The following NINJ2 variants were observed in gnomAD, a reference collection of about 807,000 sequenced individuals.
NINJ2 encodes the protein ninjurin 2.
NINJ2 carries 12 observed loss-of-function variants against 11.7 expected under a neutral mutation model. The observed-to-expected ratio is 1.02, with a 90% CI of 0.66 to 1.66. The LOEUF (loss-of-function observed/expected upper bound fraction) is 1.66, where lower values mean the gene tolerates loss of function less well. Ranked by LOEUF, NINJ2 falls within the 40% of genes most tolerant of loss-of-function variation. The probability of loss-of-function intolerance (pLI) is 0.00; values close to 1 mark genes in which losing one functional copy is unlikely to be tolerated. For missense variants in NINJ2, 187 were observed against 181.8 expected (o/e 1.03, Z -0.16); for synonymous variants, 93 against 76.8 (o/e 1.21, Z -1.10).
At chr12:643,795 G>T in intron 1 of NINJ2, 1 of 534,578 alleles carries the variant, frequency 1.9e-6, no homozygotes, top group Non-Finnish European at 2.4e-6. Context: ...AAACTGTTTT[G>T]CCACTTTTGG....
intron 1 of NINJ2, among the ~76,000 whole-genome samples, chr12:574,683 C>G (rs1947429267): frequency 6.6e-6 from 1 of 152,258 alleles, no homozygotes; most frequent in Non-Finnish European, 1.5e-5. Context: ...TTGCCAGTCT[C>G]CAGAACCATG....
intron 1 of NINJ2, among the ~76,000 whole-genome samples, chr12:629,896 A>AAAAAAATATATATAT: frequency 2.0e-4 from 2 of 9,894 alleles, no homozygotes; most frequent in Non-Finnish European, 4.7e-4. Context: ...AAAAAAAAAA[A>AAAAAAATATATATAT]ATATATATAT....
intron 1 of NINJ2, among the ~76,000 whole-genome samples, chr12:579,525 A>G (rs934462950): frequency 6.6e-6 from 1 of 152,168 alleles, no homozygotes; most frequent in African/African-American, 2.4e-5. Flanking sequence ...AAAACAAAAC[A>G]AAACAACTGC....
rs1021142044 is a variant in NINJ2 at position 581,820 on chromosome 12, T to A, written c.34-15642A>T. ...GTATCTGGTGAAATAGGTGAGCTGCTGCCAAACTCAGCAAAACCCTCAGCA... is the reference window on the plus strand; with the variant it reads ...GTATCTGGTGAAATAGGTGAGCTGCAGCCAAACTCAGCAAAACCCTCAGCA... On this transcript the variant is annotated intron_variant, in intron 1 of 3. Coordinates refer to ENST00000305108, the MANE Select transcript of NINJ2 (RefSeq NM_016533.6). The surrounding 1 kb of genome is among the most constrained non-coding windows in gnomAD (Gnocchi z 4.9). Among the ~76,000 whole-genome samples, 1 of 152,156 alleles carries A rather than the reference T, an allele frequency of 6.6e-6. No individual in the cohort carries two copies. The highest frequency in any genetic ancestry group is 1.5e-5 in the Non-Finnish European group (1 of 68,024).
chr12:625,253 A>G (rs1425701250), intron 1 of NINJ2, among the ~76,000 whole-genome samples: 1 of 152,168 alleles, frequency 6.6e-6, no homozygotes, highest in Non-Finnish European at 1.5e-5. Context: ...TCTAGGTGGT[A>G]GGAATGGTAT....
chr12:646,513 A>G (rs1475427956), intron 1 of NINJ2, among the ~76,000 whole-genome samples: 8 of 152,222 alleles, frequency 5.3e-5, no homozygotes, highest in Non-Finnish European at 7.3e-5. Context: ...AATGTGGGTG[A>G]GCATTAAATT....
chr12:643,234 G>GC (rs1433903114), intron 1 of NINJ2: 2 of 162,504 alleles, frequency 1.2e-5, no homozygotes, highest in Non-Finnish European at 2.6e-5. Flanking sequence ...GGCCCACAGC[G>GC]CCCCTCCTGT....
At chr12:609,966 C>T (rs1409070927) in intron 1 of NINJ2, among the ~76,000 whole-genome samples, 2 of 131,274 alleles carry the variant, frequency 1.5e-5, no homozygotes, top group East Asian at 4.8e-4. Flanking sequence ...AAAAAAAAGA[C>T]GAAGGAGAGA....
intron 1 of NINJ2, among the ~76,000 whole-genome samples, chr12:657,059 A>G (rs1425608100): frequency 6.6e-6 from 1 of 152,234 alleles, no homozygotes; most frequent in Non-Finnish European, 1.5e-5. Context: ...AAATGATAAT[A>G]TAGGAGAAAA....
intron 1 of NINJ2, among the ~76,000 whole-genome samples, chr12:611,829 C>T (rs1280820256): frequency 6.6e-6 from 1 of 152,186 alleles, no homozygotes. Flanking sequence ...TTCCAGGAAG[C>T]GAGGCCATTA....
At chr12:582,304 GGC>G (rs1947566871) in intron 1 of NINJ2, among the ~76,000 whole-genome samples, 1 of 99,420 alleles carries the variant, frequency 1.0e-5, no homozygotes, top group African/African-American at 4.3e-5. Flanking sequence ...CAGGCAGGCA[GGC>G]ATGCTAGAGT....
At chr12:583,473 GCA>G (rs1444411235) in intron 1 of NINJ2, among the ~76,000 whole-genome samples, 1 of 152,242 alleles carries the variant, frequency 6.6e-6, no homozygotes, top group African/African-American at 2.4e-5. Context: ...CTGCCACCTG[GCA>G]CCTGCCGCCT....
At chr12:594,375 T>C (rs1047088241) in intron 1 of NINJ2, among the ~76,000 whole-genome samples, 14 of 152,234 alleles carry the variant, frequency 9.2e-5, no homozygotes, top group Non-Finnish European at 1.2e-4. Context: ...CAACTACTCA[T>C]GTACTCCATA....
At chr12:617,057 T>G (rs1948099622) in intron 1 of NINJ2, among the ~76,000 whole-genome samples, 1 of 152,056 alleles carries the variant, frequency 6.6e-6, no homozygotes, top group African/African-American at 2.4e-5. Context: ...AATACAAAAA[T>G]TAGCCAGACG....
chr12:577,448 T>TATACATATATATATGTG, intron 1 of NINJ2, among the ~76,000 whole-genome samples: 7 of 141,974 alleles, frequency 4.9e-5, no homozygotes, highest in African/African-American at 1.5e-4. Flanking sequence ...TATATAAATA[T>TATACATATATATATGTG]TTTGGCACGA....
At chr12:593,629 C>A (rs150821692) in intron 1 of NINJ2, among the ~76,000 whole-genome samples, 4 of 152,030 alleles carry the variant, frequency 2.6e-5, no homozygotes, top group Non-Finnish European at 5.9e-5. Flanking sequence ...GTGGGAGGAG[C>A]GCTTGAGCCC....
At chr12:654,730 T>C (rs961383695) in intron 1 of NINJ2, among the ~76,000 whole-genome samples, 42 of 151,678 alleles carry the variant, frequency 2.8e-4, no homozygotes, top group Non-Finnish European at 8.8e-5. Context: ...CTGTCTCTAC[T>C]AAAAATACAA....
chr12:609,867 A>G (rs1948005188), intron 1 of NINJ2, among the ~76,000 whole-genome samples: 1 of 147,698 alleles, frequency 6.8e-6, no homozygotes, highest in African/African-American at 2.5e-5. Context: ...GTTTGAGCCT[A>G]GGAGGTCTAG....
Position 628,976 on chromosome 12 carries a change from C to T in NINJ2, c.33+34352G>A, listed in dbSNP as rs181957550. 7.9e-5 allele frequency among the ~76,000 whole-genome samples: 12 copies of T among 152,312 alleles called. No individual in the cohort carries two copies. In the East Asian group the frequency reaches 2.3e-3, roughly 29 times the overall value. ...CATGAATAACCCACCCCTTGTTTAGCATATGATCAAGAAATAACCATAAAA... is the reference window on the plus strand; with the variant it reads ...CATGAATAACCCACCCCTTGTTTAGTATATGATCAAGAAATAACCATAAAA... On this transcript the variant is annotated intron_variant, in intron 1 of 3. Coordinates refer to ENST00000305108, the MANE Select transcript of NINJ2 (RefSeq NM_016533.6). This position sits in a 1 kb window ranked among gnomAD's most constrained non-coding sequence, Gnocchi z 4.4.
Sources: allele counts gnomAD v4.1 joint callset (sites outside exome capture counted in the v4.1 genomes callset), GRCh38; gene constraint gnomAD v4.1.1; non-coding constraint Gnocchi (gnomAD v3.1); transcripts MANE v1.5; gene names NCBI Gene and HGNC (gene_info 2026-07-23, HGNC 2026-07-21).